ARSL: variants seen among roughly 807,000 people sequenced by gnomAD.
The protein encoded by ARSL is arylsulfatase E (chondrodysplasia punctata 1).
ARSL carries 4 observed loss-of-function variants against 31.1 expected under a neutral mutation model. The ratio of observed to expected loss-of-function variants is 0.13; its 90% CI spans 0.06 to 0.29. The LOEUF is 0.29. Ranked by LOEUF, ARSL falls within the 10% of genes least tolerant of loss-of-function variation. The pLI is 1.00. For missense variants in ARSL, 312 were observed against 497.8 expected, an observed-to-expected ratio of 0.63 and a Z score of 3.55; for synonymous variants, 198 against 209.9, an observed-to-expected ratio of 0.94 and a Z score of 0.49.
At chrX:2,945,853 G>A in intron 7 of ARSL, 145 bp downstream of exon 7, 1 of 768,449 alleles carries the variant, frequency 1.3e-6, no homozygotes, top group Admixed American at 2.4e-5. Flanking sequence ...GAAGATCTGT[G>A]CTATAATATT....
At chrX:2,962,712 C>G (rs1446415003) in intron 1 of ARSL, among the ~76,000 whole-genome samples, 1 of 111,563 alleles carries the variant, frequency 9.0e-6, no homozygotes, top group African/African-American at 3.3e-5. Flanking sequence ...AGACAATGAG[C>G]TTTGTGAAAG....
intron 1 of ARSL, among the ~76,000 whole-genome samples, chrX:2,961,767 T>C (rs745846852): frequency 5.4e-5 from 6 of 111,304 alleles, no homozygotes; most frequent in Non-Finnish European, 1.9e-5. Context: ...ATCTATTGTC[T>C]CTAAGGGCAG....
chrX:2,963,476 T>C (rs151274337), intron 1 of ARSL, among the ~76,000 whole-genome samples: 1,533 of 109,372 alleles, frequency 0.014, 26 homozygotes, highest in African/African-American at 0.047. Flanking sequence ...CAGTGGTTTA[T>C]CTCTGGGTGT....
chrX:2,955,303 A>G (rs2089509920), intron 4 of ARSL, 113 bp downstream of exon 4: 3 of 963,636 alleles, frequency 3.1e-6, no homozygotes, highest in Admixed American at 2.8e-5. Flanking sequence ...AGATAGAGAG[A>G]ACACCCCCCA....
chrX:2,966,202 T>C (rs2089698198), upstream of ARSL, among the ~76,000 whole-genome samples: 1 of 111,408 alleles, frequency 9.0e-6, no homozygotes, highest in Non-Finnish European at 1.9e-5. Flanking sequence ...GCTGGCACAC[T>C]CCAGCCTGAC....
chrX:2,951,432 T>C (rs1264409391), intron 5 of ARSL, among the ~76,000 whole-genome samples: 1 of 109,630 alleles, frequency 9.1e-6, no homozygotes, highest in African/African-American at 3.3e-5. Context: ...CTGGAAAACC[T>C]CATGATTTCC....
chrX:2,940,904 C>G (rs781405217), intron 8 of ARSL, among the ~76,000 whole-genome samples: 1 of 110,931 alleles, frequency 9.0e-6, no homozygotes, highest in Admixed American at 9.6e-5. Flanking sequence ...CCACTGTACT[C>G]CAGCCTGGGA....
intron 5 of ARSL, among the ~76,000 whole-genome samples, chrX:2,952,005 C>G (rs1400118241): frequency 1.8e-5 from 2 of 109,925 alleles, no homozygotes; most frequent in African/African-American, 6.7e-5. Flanking sequence ...ATAAATGGAA[C>G]TGTTGATAAC....
At chrX:2,955,648 A>G (rs1253302478) in intron 3 of ARSL, 111 bp from the exon 4 acceptor site, 3 of 908,141 alleles carry the variant, frequency 3.3e-6, no homozygotes, top group Non-Finnish European at 4.7e-6. Flanking sequence ...GAGTGCTTCA[A>G]GATGTTCTCA....
At chrX:2,955,053 G>A (rs752898294) in intron 4 of ARSL, among the ~76,000 whole-genome samples, 3 of 111,608 alleles carry the variant, frequency 2.7e-5, no homozygotes, top group Non-Finnish European at 5.6e-5. Flanking sequence ...GGGGGTGTGG[G>A]CTCTGGACTG....
upstream of ARSL, among the ~76,000 whole-genome samples, chrX:2,965,072 G>A (rs1433996506): frequency 2.7e-5 from 3 of 110,418 alleles, no homozygotes; most frequent in Middle Eastern, 4.7e-3. Flanking sequence ...GAGTGACAGA[G>A]CAAGACCCTG....
chrX:2,945,030 G>GGGA (rs894386362), intron 7 of ARSL, among the ~76,000 whole-genome samples: 2 of 108,945 alleles, frequency 1.8e-5, no homozygotes, highest in Non-Finnish European at 3.8e-5. Flanking sequence ...GAAGAAGAGG[G>GGGA]GGAGGAGGAG....
chrX:2,959,221 C>G (rs7877827), intron 2 of ARSL, among the ~76,000 whole-genome samples: 105 of 111,613 alleles, frequency 9.4e-4, no homozygotes, highest in African/African-American at 3.2e-3. Flanking sequence ...TGAGCTGCTA[C>G]TTCTGAGTCT....
intron 5 of ARSL, among the ~76,000 whole-genome samples, chrX:2,951,543 A>AGGTGAGAG (rs2089459624): frequency 1.1e-5 from 1 of 94,522 alleles, no homozygotes; most frequent in African/African-American, 3.9e-5. Flanking sequence ...TGGGAGGCCG[A>AGGTGAGAG]GGTGAGAGGA....
chrX:2,960,226 G>C, intron 2 of ARSL, 152 bp downstream of exon 2: 1 of 246,140 alleles, frequency 4.1e-6, no homozygotes, highest in Non-Finnish European at 6.7e-6. Context: ...CCGAGATCGC[G>C]CCACTGCACT....
chrX:2,947,130 G>A (rs1308295079), intron 6 of ARSL, among the ~76,000 whole-genome samples: 7 of 110,718 alleles, frequency 6.3e-5, no homozygotes, highest in Non-Finnish European at 9.4e-5. Context: ...GTTGCGGTGA[G>A]CTGAGATTGC....
intron 8 of ARSL, among the ~76,000 whole-genome samples, chrX:2,941,712 C>T (rs1257308864): frequency 8.9e-6 from 1 of 112,108 alleles, no homozygotes; most frequent in Non-Finnish European, 1.9e-5. Context: ...ACCAATGTGT[C>T]TCTTAAATGT....
chrX:2,951,053 C>T lies in ARSL; in HGVS notation c.431-1326G>A, dbSNP rs1188033627. Among the ~76,000 whole-genome samples, 7 of 111,919 alleles carry T rather than the reference C, an allele frequency of 6.3e-5. No homozygotes were observed. The East Asian group carries it at 2.0e-3, about 31-fold the overall frequency. On this transcript the variant is annotated intron_variant, in intron 5 of 10. Coordinates refer to ENST00000381134, the MANE Select transcript of ARSL (RefSeq NM_000047.3). ...GGATAATTCAGGATCATCTTCTCAC[C>T]TCAAGATTGTTCACTTAATCACATT...
Position 2,958,365 on chromosome X carries a change from C to A in ARSL, c.94G>T (p.Asp32Tyr), listed in dbSNP as rs750673516. The change falls in exon 3 of 11, where the codon GAC (aspartate) becomes TAC (tyrosine). Residue 32 changes from aspartate to tyrosine, a missense_variant. Asp to Tyr is a radical substitution (Grantham distance 160). Transcript: ENST00000381134. Reference sequence around the variant, plus strand: ...ATGTTCGGTCGGGAGGCGGAAATGTCGCTGGAAGCTGATGGTGCCAAACTT... The same window carrying A: ...ATGTTCGGTCGGGAGGCGGAAATGTAGCTGGAAGCTGATGGTGCCAAACTT... ...LLSLAPSASS[D>Y]ISASRPNILL... The A allele has an allele frequency of 8.3e-7, 1 of 1,210,432 alleles. No individual in the cohort carries two copies. The highest frequency in any genetic ancestry group is 1.1e-6 in the Non-Finnish European group (1 of 895,429).
Sources: gnomAD v4.1 joint callset for allele counts (sites outside exome capture counted in the v4.1 genomes callset) on GRCh38, gnomAD v4.1.1 for gene constraint, MANE v1.5 for transcripts, NCBI Gene and HGNC (gene_info 2026-07-23, HGNC 2026-07-21) for gene names.